SPAST: variants seen among roughly 807,000 people sequenced by gnomAD.
SPAST encodes the protein spastin, also known as spastic paraplegia 4 (autosomal dominant; spastin).
In SPAST, 30 loss-of-function variants were observed where a neutral mutation model predicts 76.6. The observed-to-expected ratio is 0.39, with a 90% CI of 0.29 to 0.53. SPAST has a LOEUF of 0.53. Among genes scored for constraint, SPAST ranks in the 20% least tolerant of loss-of-function variants. SPAST has a pLI of 0.68. For missense variants in SPAST, 717 were observed against 770.5 expected (o/e 0.93, Z 0.82); for synonymous variants, 305 against 281.0 (o/e 1.09, Z -0.86).
chr2:32,071,892 G>A (rs1676765959), intron 1 of SPAST, among the ~76,000 whole-genome samples: 1 of 152,086 alleles, frequency 6.6e-6, no homozygotes, highest in Admixed American at 6.5e-5. Flanking sequence ...AGACTCTTAA[G>A]TTAATTTTCT....
intron 9 of SPAST, chr2:32,130,427 C>T (rs1679331516): frequency 6.6e-6 from 1 of 151,986 alleles, no homozygotes; most frequent in South Asian, 2.1e-4. Context: ...GCACCGAAAT[C>T]CAGAGGTGAG....
chr2:32,098,465 A>C (rs1054001075), intron 3 of SPAST, among the ~76,000 whole-genome samples: 1 of 152,108 alleles, frequency 6.6e-6, no homozygotes, highest in African/African-American at 2.4e-5. Context: ...AAGACCGATA[A>C]TTATCTCCAT....
intron 1 of SPAST, among the ~76,000 whole-genome samples, chr2:32,075,286 C>T (rs1676906659): frequency 1.3e-5 from 2 of 151,304 alleles, no homozygotes; most frequent in East Asian, 2.0e-4. Flanking sequence ...ATTAGCCGGG[C>T]GTGGTAGTGG....
intron 15 of SPAST, among the ~76,000 whole-genome samples, chr2:32,145,754 G>T (rs1229427136): frequency 6.6e-6 from 1 of 152,112 alleles, no homozygotes; most frequent in Non-Finnish European, 1.5e-5. Context: ...TTTAGGTTAG[G>T]TTAGGATAAA....
chr2:32,154,294 C>T, intron 16 of SPAST, 80 bp from the exon 17 acceptor site: 2 of 1,195,944 alleles, frequency 1.7e-6, no homozygotes, highest in Non-Finnish European at 2.5e-6. Context: ...ACAGCAGCAT[C>T]ATTACTTTAA....
chr2:32,120,572 C>CTT lies in SPAST; in HGVS notation c.1098+4377_1098+4378dup, dbSNP rs36066356. Among the ~76,000 whole-genome samples the CTT allele has an allele frequency of 2.8e-3, 366 of 131,158 alleles. 3 individuals are homozygous for CTT. Among genetic ancestry groups the CTT allele is most frequent in the East Asian group, 0.01 (47 of 4,530 alleles). The allele number at this position is 131,158 out of a possible 152,430, so 86.0% of individuals were successfully genotyped here. On this transcript the variant is annotated intron_variant, in intron 7 of 16. Coordinates refer to ENST00000315285, the MANE Select transcript of SPAST (RefSeq NM_014946.4). ...AATCTAAAAACCTGTTAACTCAGGT[C>CTT]TTTTTTTTTTTTTTTTTTCCCAGAA...
chr2:32,095,298 G>A (rs1220163720), intron 3 of SPAST, among the ~76,000 whole-genome samples: 1 of 152,158 alleles, frequency 6.6e-6, no homozygotes, highest in Admixed American at 6.6e-5. Context: ...ACTGCAGGAT[G>A]GGTATTAGAA....
chr2:32,087,692 TTC>T (rs1677544669), intron 2 of SPAST, 114 bp downstream of exon 2: 6 of 322,058 alleles, frequency 1.9e-5, no homozygotes, highest in Admixed American at 1.2e-4. Context: ...TTCTTTTCTT[TTC>T]TTTTTTTTTT....
rs78438695 is a variant in SPAST at position 32,064,710 on chromosome 2, A to G, written c.415+464A>G. 9.8e-3 allele frequency among the ~76,000 whole-genome samples: 1,498 copies of G among 152,346 alleles called. 25 individuals are homozygous for G. Among genetic ancestry groups the G allele is most frequent in the African/African-American group, 0.033 (1,382 of 41,572 alleles). ...TCAGAAAAAAAGAACAAATGGTGAC[A>G]ATTTTGAAAGAAATAGCTGCATATG... On this transcript the variant is annotated intron_variant, in intron 1 of 16. Coordinates refer to ENST00000315285, the MANE Select transcript of SPAST (RefSeq NM_014946.4).
chr2:32,114,875 T>A (rs749653715), intron 5 of SPAST, 50 bp downstream of exon 5: 30 of 1,369,100 alleles, frequency 2.2e-5, no homozygotes, highest in Non-Finnish European at 3.1e-5. Flanking sequence ...AATAGAAAAA[T>A]TTTTAAGATA....
chr2:32,132,604 G>C (rs1679407428), intron 9 of SPAST, among the ~76,000 whole-genome samples: 1 of 151,316 alleles, frequency 6.6e-6, no homozygotes, highest in Non-Finnish European at 1.5e-5. Context: ...CCAGTCCCCA[G>C]AATAGTTACT....
Position 32,087,492 on chromosome 2 carries a change from C to T in SPAST, c.416C>T (p.Ala139Val). ...IALRIDEDEK[A>V]GQKEQAVEWY... ...ATACAAATAATTTTTTATTTTAAAGCAGGACAGAAGGAGCAAGCTGTGGAA... is the reference window on the plus strand; with the variant it reads ...ATACAAATAATTTTTTATTTTAAAGTAGGACAGAAGGAGCAAGCTGTGGAA... The change falls in exon 2 of 17, where the codon GCA becomes GTA. Residue 139 changes from alanine (A) to valine (V), a missense_variant and splice_region_variant. Around this residue, in one of 3 missense-constraint regions of SPAST, gnomAD observed 543 missense variants for 445.2 expected, o/e 1.22. Transcript: ENST00000315285. 3 of 1,589,150 alleles carry T rather than the reference C, an allele frequency of 1.9e-6. No homozygotes were observed. The highest frequency in any genetic ancestry group is 2.6e-6 in the Non-Finnish European group (3 of 1,159,098).
At chr2:32,149,981 G>T (rs1449788721) in intron 16 of SPAST, among the ~76,000 whole-genome samples, 109 of 126,694 alleles carry the variant, frequency 8.6e-4, no homozygotes, top group African/African-American at 2.4e-3. Flanking sequence ...GAGTTTGTTT[G>T]TTTTTTTTTT....
chr2:32,089,666 T>C, intron 3 of SPAST, 61 bp downstream of exon 3: 3 of 898,710 alleles, frequency 3.3e-6, no homozygotes, highest in South Asian at 1.3e-5. Flanking sequence ...AATGAAACTT[T>C]AATTTGTAGA....
chr2:32,150,814 T>C (rs1680059010), intron 16 of SPAST, among the ~76,000 whole-genome samples: 1 of 152,204 alleles, frequency 6.6e-6, no homozygotes. Flanking sequence ...AAAATTTAGA[T>C]GGTAAAACTA....
At chr2:32,126,645 ATTT>A in intron 7 of SPAST, 2 of 191,366 alleles carry the variant, frequency 1.0e-5, no homozygotes, top group Non-Finnish European at 2.1e-5. Context: ...CACCCAGCTA[ATTT>A]TTTTTTTTTT....
intron 1 of SPAST, among the ~76,000 whole-genome samples, chr2:32,074,914 A>G (rs1201545593): frequency 1.3e-5 from 2 of 152,160 alleles, no homozygotes; most frequent in African/African-American, 4.8e-5. Context: ...AAGTTACTTA[A>G]CTATGTATGC....
chr2:32,136,016 C>T (rs1484517878), intron 9 of SPAST, among the ~76,000 whole-genome samples: 2 of 149,558 alleles, frequency 1.3e-5, no homozygotes, highest in Admixed American at 6.7e-5. Context: ...AGGCAAAAGT[C>T]ACAGTGAGCC....
chr2:32,083,770 A>ATTT (rs1422616491), intron 1 of SPAST, among the ~76,000 whole-genome samples: 1 of 48,018 alleles, frequency 2.1e-5, no homozygotes, highest in Non-Finnish European at 4.3e-5. Context: ...ATATATATAT[A>ATTT]TATATATTTT....
Sources: gnomAD v4.1 joint callset for allele counts (sites outside exome capture counted in the v4.1 genomes callset) on GRCh38, gnomAD v4.1.1 for gene constraint, gnomAD v4.1.1 regional missense constraint, MANE v1.5 for transcripts, NCBI Gene and HGNC (gene_info 2026-07-23, HGNC 2026-07-21) for gene names.